The following NAALADL2 variants were observed in gnomAD, a reference collection of about 807,000 sequenced individuals.
NAALADL2 encodes inactive N-acetylated-alpha-linked acidic dipeptidase-like protein 2.
NAALADL2 carries 76 observed loss-of-function variants against 87.2 expected under a neutral mutation model. That is an observed-to-expected ratio of 0.87 (90% CI 0.72 to 1.05). The LOEUF (loss-of-function observed/expected upper bound fraction) is 1.05, where lower values mean the gene tolerates loss of function less well. NAALADL2 is among the 50% of genes least tolerant of loss of function. The probability of loss-of-function intolerance (pLI) is 0.00; values close to 1 mark genes in which losing one functional copy is unlikely to be tolerated. For missense variants in NAALADL2, 1,089 were observed against 945.8 expected (o/e 1.15, Z -1.99); for synonymous variants, 354 against 331.0 (o/e 1.07, Z -0.75).
In NAALADL2 at chr3:175,766,073, C is replaced by T. The variant is rs757986799; in HGVS notation, c.2189+10655C>T. On this transcript the variant is annotated intron_variant, in intron 13 of 13. Coordinates refer to ENST00000454872, the MANE Select transcript of NAALADL2 (RefSeq NM_207015.3). ...AATATAGCCAGATATGTATAGATTACGTTTTTCACATTTCAGAGTTACATC... is the reference window on the plus strand; with the variant it reads ...AATATAGCCAGATATGTATAGATTATGTTTTTCACATTTCAGAGTTACATC... Among the ~76,000 whole-genome samples the T allele has an allele frequency of 3.3e-5, 5 of 152,182 alleles. 1 individual carries two copies. The highest frequency in any genetic ancestry group is 3.4e-3 in the Middle Eastern group (1 of 294).
intron 1 of NAALADL2, among the ~76,000 whole-genome samples, chr3:175,046,112 GA>G (rs1306115200): frequency 6.6e-6 from 1 of 151,864 alleles, no homozygotes; most frequent in Non-Finnish European, 1.5e-5. Context: ...TGGGGAAGTG[GA>G]AAAGTACAAT....
chr3:175,160,700 G>C (rs1036807980), intron 2 of NAALADL2, among the ~76,000 whole-genome samples: 1 of 151,876 alleles, frequency 6.6e-6, no homozygotes, highest in African/African-American at 2.4e-5. Flanking sequence ...TTATCTGTAA[G>C]AAATAATGAT....
At chr3:174,646,902 A>G (rs1309781288) in intron 2 of NAALADL2, among the ~76,000 whole-genome samples, 4 of 152,166 alleles carry the variant, frequency 2.6e-5, no homozygotes, top group Non-Finnish European at 4.4e-5. Flanking sequence ...TTGGACAAAA[A>G]TAGCCCCAAG....
chr3:175,468,600 T>C (rs995470675), intron 8 of NAALADL2, among the ~76,000 whole-genome samples: 5 of 152,082 alleles, frequency 3.3e-5, no homozygotes, highest in African/African-American at 9.6e-5. Context: ...TGTATTTTGC[T>C]ATTTCAAACT....
Position 174,538,111 on chromosome 3 carries a change from A to G in NAALADL2, c.-183-12458A>G, listed in dbSNP as rs1222810791. Among the ~76,000 whole-genome samples, 4 of 152,154 alleles carry G rather than the reference A, an allele frequency of 2.6e-5. No individual in the cohort carries two copies. The East Asian group carries it at 5.8e-4, about 22-fold the overall frequency. On this transcript the variant is annotated intron_variant, in intron 1 of 3. Transcript: ENST00000434257. ...GCAGAGGCTCCCTCAGAGGTTGACT[A>G]TTTATAACTATATACTCTTTTTATC... is the stretch of plus-strand genomic sequence containing the variant.
rs1722994934 is a variant in NAALADL2 at position 175,601,683 on chromosome 3, GACA to G, written c.1800+25497_1800+25499del. Among the ~76,000 whole-genome samples the G allele has an allele frequency of 2.6e-5, 4 of 152,242 alleles. No homozygotes were observed. In the South Asian group the frequency reaches 6.2e-4, roughly 24 times the overall value. ...TTGAAGTCAGTTGATAAAATGCCTT[GACA>G]TACACCCACACAGTAGCTGACCCAT... On this transcript the variant is annotated intron_variant, in intron 10 of 13. Transcript: ENST00000454872.
At chr3:174,780,886 C>G (rs977862168) in intron 3 of NAALADL2, among the ~76,000 whole-genome samples, 3 of 152,008 alleles carry the variant, frequency 2.0e-5, no homozygotes, top group Non-Finnish European at 4.4e-5. Flanking sequence ...ATGGTCTTTA[C>G]AATTTCGTAT....
chr3:175,479,709 C>G (rs921943000), intron 9 of NAALADL2, among the ~76,000 whole-genome samples: 1 of 151,722 alleles, frequency 6.6e-6, no homozygotes, highest in Non-Finnish European at 1.5e-5. Context: ...TGGAATTTCA[C>G]CTGCAAATTT....
intron 11 of NAALADL2, among the ~76,000 whole-genome samples, chr3:175,674,521 C>T (rs753255778): frequency 5.3e-5 from 8 of 152,044 alleles, no homozygotes; most frequent in South Asian, 2.1e-4. Flanking sequence ...GCCTCGGCCT[C>T]CCAAATTGCT....
intron 2 of NAALADL2, among the ~76,000 whole-genome samples, chr3:174,651,211 T>C (rs1166503833): frequency 6.6e-6 from 1 of 152,218 alleles, no homozygotes; most frequent in Non-Finnish European, 1.5e-5. Context: ...TCTGTTGCAT[T>C]GTTATCAGTG....
intron 10 of NAALADL2, among the ~76,000 whole-genome samples, chr3:175,588,942 C>T (rs1720970805): frequency 6.6e-6 from 1 of 152,114 alleles, no homozygotes; most frequent in Non-Finnish European, 1.5e-5. Flanking sequence ...AGATTATGGC[C>T]ACATACTACT....
rs151115821 is a variant in NAALADL2, at chr3:175,370,067, G to A, written c.1090+45742G>A. Among the ~76,000 whole-genome samples the A allele has an allele frequency of 3.9e-4, 59 of 152,178 alleles. No homozygotes were observed. The East Asian group carries it at 8.7e-3, about 22-fold the overall frequency. On this transcript the variant is annotated intron_variant, in intron 5 of 13. Coordinates refer to ENST00000454872, the MANE Select transcript of NAALADL2 (RefSeq NM_207015.3). ...TGAGAGCTGCTTGTCTGATCATGTT[G>A]CCACTGGACAAAGTAAGCCTTACTA... is the stretch of plus-strand genomic sequence containing the variant.
At chr3:174,776,421 G>A (rs914979660) in intron 3 of NAALADL2, among the ~76,000 whole-genome samples, 1 of 152,004 alleles carries the variant, frequency 6.6e-6, no homozygotes, top group African/African-American at 2.4e-5. Flanking sequence ...TTCTGTAAAC[G>A]CCACACCTCC....
At chr3:174,990,541 G>A (rs1271403012) in intron 1 of NAALADL2, among the ~76,000 whole-genome samples, 1 of 151,910 alleles carries the variant, frequency 6.6e-6, no homozygotes, top group Non-Finnish European at 1.5e-5. Flanking sequence ...TTTTGAAGGT[G>A]GTTTTAAATA....
chr3:175,410,286 G>T (rs1073231), intron 5 of NAALADL2, among the ~76,000 whole-genome samples: 16,540 of 151,970 alleles, frequency 0.11, 990 homozygotes, highest in Middle Eastern at 0.21. Flanking sequence ...TTGAAACTAT[G>T]TACATACACT....
rs1035753699 is a variant in NAALADL2, at chr3:175,687,062, A to G, written c.1897-50244A>G. Among the ~76,000 whole-genome samples, 12 of 152,300 alleles carry G rather than the reference A, an allele frequency of 7.9e-5. No individual in the cohort carries two copies. The East Asian group carries it at 1.7e-3, about 22-fold the overall frequency. On this transcript the variant is annotated intron_variant, in intron 11 of 13. Transcript: ENST00000454872. Reference sequence around the variant, plus strand: ...AGAGCCAGAATTTCTATCTCCTTCTAGATAAATGATTTGCTCTAAGCCAGA... The same window carrying G: ...AGAGCCAGAATTTCTATCTCCTTCTGGATAAATGATTTGCTCTAAGCCAGA...
At chr3:174,861,065 T>C (rs943007943) in intron 1 of NAALADL2, among the ~76,000 whole-genome samples, 2 of 152,106 alleles carry the variant, frequency 1.3e-5, no homozygotes, top group African/African-American at 4.8e-5. Flanking sequence ...TGTAGTTGGG[T>C]AAAACTTGTG....
At chr3:175,273,461 T>C (rs903308035) in intron 4 of NAALADL2, among the ~76,000 whole-genome samples, 7 of 152,190 alleles carry the variant, frequency 4.6e-5, no homozygotes, top group African/African-American at 7.2e-5. Flanking sequence ...CAATTGCTAC[T>C]CTAGGTTACC....
intron 9 of NAALADL2, among the ~76,000 whole-genome samples, chr3:175,518,668 T>C (rs1052926135): frequency 2.6e-5 from 4 of 152,066 alleles, no homozygotes; most frequent in Non-Finnish European, 5.9e-5. Flanking sequence ...CTAGTTCAGG[T>C]CTCACTTCCT....
Sources: gnomAD v4.1 joint callset for allele counts (sites outside exome capture counted in the v4.1 genomes callset) on GRCh38, gnomAD v4.1.1 for gene constraint, MANE v1.5 for transcripts, NCBI Gene and HGNC (gene_info 2026-07-23, HGNC 2026-07-21) for gene names.